Variants in UIMC1 observed in about 807,000 individuals in gnomAD.
The protein encoded by UIMC1 is BRCA1-A complex subunit RAP80.
UIMC1 carries 42 observed loss-of-function variants against 84.9 expected under a neutral mutation model. The observed-to-expected ratio is 0.49, with a 90% CI of 0.39 to 0.64. The LOEUF is 0.64. Among genes scored for constraint, UIMC1 ranks in the 30% least tolerant of loss-of-function variants. The pLI, the probability that UIMC1 is intolerant of heterozygous loss-of-function variation, is 0.00. For missense variants in UIMC1, 825 were observed against 847.6 expected, an observed-to-expected ratio of 0.97 and a Z score of 0.33; for synonymous variants, 281 against 293.0, an observed-to-expected ratio of 0.96 and a Z score of 0.42.
chr5:176,993,097 A>G (rs1369307680), intron 1 of UIMC1, among the ~76,000 whole-genome samples: 1 of 151,480 alleles, frequency 6.6e-6, no homozygotes, highest in Non-Finnish European at 1.5e-5. Context: ...GAGGCATGAG[A>G]ATCATTTGAA....
chr5:176,955,553 C>T (rs1317684612), intron 8 of UIMC1, among the ~76,000 whole-genome samples: 1 of 152,104 alleles, frequency 6.6e-6, no homozygotes, highest in Non-Finnish European at 1.5e-5. Context: ...ATGATTGCAC[C>T]ACCGCACTCC....
rs11950557 is a variant in UIMC1, at chr5:177,012,939, G to A, written c.-9+9525C>T. ...AAAAAATGAATAATAAAACTAGCCA[G>A]GCTTGGTAGTATGTGCCTATAGTCC... On this transcript the variant is annotated intron_variant, in intron 1 of 5. Transcript: ENST00000509236. Among the ~76,000 whole-genome samples, 1,453 of 151,938 alleles carry A rather than the reference G, an allele frequency of 9.6e-3. 32 individuals are homozygous for A. The highest frequency in any genetic ancestry group is 0.033 in the African/African-American group (1,373 of 41,436).
chr5:176,932,858 CT>C lies in UIMC1; in HGVS notation c.1597+10476del, dbSNP rs749495757. Reference sequence around the variant, plus strand: ...CTTCATCCAGTCAGCAATAGCAATGCTTTTTTTTTTTTTTTTTTTTTTTACA... The same window carrying C: ...CTTCATCCAGTCAGCAATAGCAATGCTTTTTTTTTTTTTTTTTTTTTTACA... On this transcript the variant is annotated intron_variant, in intron 10 of 14. Transcript: ENST00000511320. Among the ~76,000 whole-genome samples the C allele has an allele frequency of 7.7e-3, 823 of 106,622 alleles. 3 individuals carry two copies. The highest frequency in any genetic ancestry group is 0.012 in the East Asian group (50 of 4,096). 69.9% of individuals were successfully genotyped at this position (106,622 alleles called of 152,430 possible).
At chr5:176,911,076 T>G (rs1431176960) in intron 11 of UIMC1, among the ~76,000 whole-genome samples, 1 of 115,094 alleles carries the variant, frequency 8.7e-6, no homozygotes, top group Non-Finnish European at 1.8e-5. Flanking sequence ...GCAAGAAGAG[T>G]GAAACTTCAT....
At chr5:176,979,215 C>T (rs1370709946) in intron 2 of UIMC1, among the ~76,000 whole-genome samples, 2 of 152,132 alleles carry the variant, frequency 1.3e-5, no homozygotes, top group African/African-American at 4.8e-5. Context: ...GTCTAATCAC[C>T]AATACTTAGT....
chr5:176,948,855 T>C (rs60354830), intron 9 of UIMC1, among the ~76,000 whole-genome samples: 1 of 152,278 alleles, frequency 6.6e-6, no homozygotes, highest in African/African-American at 2.4e-5. Flanking sequence ...ACAAATGACC[T>C]ACACAGATCC....
chr5:177,002,505 A>C (rs1013028154), intron 1 of UIMC1, among the ~76,000 whole-genome samples: 3 of 152,148 alleles, frequency 2.0e-5, no homozygotes, highest in African/African-American at 7.2e-5. Context: ...AAAAGTTTTT[A>C]AAAATAATAA....
chr5:177,000,978 G>A (rs917621295), intron 1 of UIMC1, among the ~76,000 whole-genome samples: 1 of 151,882 alleles, frequency 6.6e-6, no homozygotes, highest in Admixed American at 6.6e-5. Flanking sequence ...TCACTTTATT[G>A]TTTCCTTTGC....
Position 176,982,585 on chromosome 5 carries a change from C to T in UIMC1, c.31G>A (p.Val11Ile). MPRRKKKVKE[V>I]SESRNLEKKD... ...TTCTCCAGGTTCCGAGATTCGGAGA[C>T]TTCTTTAACTTTTTTCTTTCTCCGT... Residue 11 changes from valine to isoleucine, a missense_variant, in exon 2 of 15, where the codon GTC (valine) becomes ATC (isoleucine). Physicochemically the swap from Val to Ile is conservative, Grantham distance 29. Transcript: ENST00000511320. The T allele has an allele frequency of 6.2e-7, 1 of 1,613,916 alleles. No individual in the cohort carries two copies. The highest frequency in any genetic ancestry group is 8.5e-7 in the Non-Finnish European group (1 of 1,179,974).
intron 11 of UIMC1, among the ~76,000 whole-genome samples, chr5:176,910,149 T>G (rs577604792): frequency 6.6e-6 from 1 of 152,322 alleles, no homozygotes; most frequent in African/African-American, 2.4e-5. Flanking sequence ...AAAACCAAAT[T>G]ACTGCAATAC....
intron 10 of UIMC1, among the ~76,000 whole-genome samples, chr5:176,943,044 A>C (rs1434281481): frequency 1.3e-5 from 2 of 151,846 alleles, no homozygotes; most frequent in Non-Finnish European, 2.9e-5. Flanking sequence ...CATGGGTGAC[A>C]GAGACTCTGG....
intron 10 of UIMC1, among the ~76,000 whole-genome samples, chr5:176,936,907 C>T (rs1437392039): frequency 6.6e-6 from 1 of 152,202 alleles, no homozygotes; most frequent in African/African-American, 2.4e-5. Flanking sequence ...CTTATCACCA[C>T]TTGAAATATT....
At chr5:176,955,689 G>A (rs539645211) in intron 8 of UIMC1, among the ~76,000 whole-genome samples, 2 of 152,292 alleles carry the variant, frequency 1.3e-5, no homozygotes, top group African/African-American at 2.4e-5. Context: ...CATCTCTGAT[G>A]AGGCCTGTAA....
rs890320104 is a variant in UIMC1 at position 176,905,619 on chromosome 5, C to T, written c.1950-127G>A. On this transcript the variant is annotated intron_variant, in intron 14 of 14. Coordinates refer to ENST00000511320, the MANE Select transcript of UIMC1 (RefSeq NM_001199298.2). The stretch of plus-strand genomic sequence containing the variant: ...GTACAAATAATCTTTGTAATAATCC[C>T]ACCACATATCATCACTCTGTTTTCA... 9 of 850,170 alleles carry T rather than the reference C, an allele frequency of 1.1e-5. No individual in the cohort carries two copies. In the African/African-American group the frequency reaches 1.4e-4, roughly 13 times the overall value. 52.7% of individuals were successfully genotyped at this position (850,170 alleles called of 1,614,324 possible).
At chr5:176,938,171 C>T (rs981379163) in intron 10 of UIMC1, among the ~76,000 whole-genome samples, 1 of 104,042 alleles carries the variant, frequency 9.6e-6, no homozygotes, top group African/African-American at 3.8e-5. Flanking sequence ...GCCTGGGCTA[C>T]AGAGTAAGAC....
intron 1 of UIMC1, among the ~76,000 whole-genome samples, chr5:176,992,308 G>A (rs1013136512): frequency 4.0e-5 from 6 of 151,884 alleles, no homozygotes; most frequent in South Asian, 2.1e-4. Flanking sequence ...TCAAAGGAGC[G>A]AAAGACCCAA....
chr5:176,975,793 T>C (rs942062236), intron 2 of UIMC1, among the ~76,000 whole-genome samples: 1 of 152,116 alleles, frequency 6.6e-6, no homozygotes, highest in Non-Finnish European at 1.5e-5. Context: ...ATTGAAGATA[T>C]GAAAAAACAA....
intron 8 of UIMC1, among the ~76,000 whole-genome samples, chr5:176,952,792 G>A (rs998000955): frequency 2.7e-4 from 41 of 151,958 alleles, no homozygotes; most frequent in African/African-American, 9.9e-4. Flanking sequence ...GTGAGACACT[G>A]TCTCACACAC....
intron 10 of UIMC1, among the ~76,000 whole-genome samples, chr5:176,924,185 G>A (rs1762096973): frequency 6.6e-6 from 1 of 151,732 alleles, no homozygotes; most frequent in Non-Finnish European, 1.5e-5. Context: ...AGGCATGGTG[G>A]CAGGTGCCTG....
Sources: gnomAD v4.1 joint callset for allele counts (sites outside exome capture counted in the v4.1 genomes callset) on GRCh38, gnomAD v4.1.1 for gene constraint, MANE v1.5 for transcripts, NCBI Gene and HGNC (gene_info 2026-07-23, HGNC 2026-07-21) for gene names.